Variants in THEMIS observed in about 807,000 individuals in gnomAD.
THEMIS encodes protein THEMIS.
A neutral mutation model predicts 52.6 loss-of-function variants in THEMIS; 37 were observed. That is an observed-to-expected ratio of 0.70 (90% CI 0.54 to 0.93). The LOEUF is 0.93. Ranked by LOEUF, THEMIS falls within the 40% of genes least tolerant of loss-of-function variation. THEMIS has a pLI of 0.00. For missense variants in THEMIS, 808 were observed against 763.1 expected (o/e 1.06, Z -0.69); for synonymous variants, 292 against 272.7 (o/e 1.07, Z -0.70).
At chr6:127,840,014 C>T (rs1475518667) in intron 2 of THEMIS, among the ~76,000 whole-genome samples, 2 of 151,954 alleles carry the variant, frequency 1.3e-5, no homozygotes, top group Non-Finnish European at 2.9e-5. Flanking sequence ...TGTTATAATG[C>T]TATTAACTCA....
intron 1 of THEMIS, among the ~76,000 whole-genome samples, chr6:127,864,375 G>A (rs960327268): frequency 6.6e-6 from 1 of 152,082 alleles, no homozygotes; most frequent in African/African-American, 2.4e-5. Flanking sequence ...TACAAGAGCT[G>A]TTTCTTATTG....
At chr6:127,803,595 T>A (rs1416362520) in intron 4 of THEMIS, among the ~76,000 whole-genome samples, 3 of 152,184 alleles carry the variant, frequency 2.0e-5, no homozygotes, top group African/African-American at 7.2e-5. Flanking sequence ...TAAGTTCTAC[T>A]CCTATTCTTA....
intron 4 of THEMIS, among the ~76,000 whole-genome samples, chr6:127,786,112 T>C (rs945931807): frequency 1.3e-5 from 2 of 152,138 alleles, no homozygotes; most frequent in Non-Finnish European, 2.9e-5. Flanking sequence ...ATTTGCACCC[T>C]GGGACAATCC....
chr6:127,752,707 C>A (rs1775688947), intron 4 of THEMIS, among the ~76,000 whole-genome samples: 1 of 151,614 alleles, frequency 6.6e-6, no homozygotes, highest in African/African-American at 2.4e-5. Flanking sequence ...AAAGAAATGT[C>A]TAGGACCTGA....
chr6:127,768,446 G>T (rs1022533204), intron 4 of THEMIS, among the ~76,000 whole-genome samples: 10 of 152,118 alleles, frequency 6.6e-5, no homozygotes, highest in Non-Finnish European at 1.3e-4. Flanking sequence ...AGTCTGAAGG[G>T]AGAGTTGGCT....
chr6:127,872,689 G>A (rs1780194402), intron 1 of THEMIS, among the ~76,000 whole-genome samples: 1 of 152,074 alleles, frequency 6.6e-6, no homozygotes, highest in Admixed American at 6.6e-5. Context: ...ATTATACTTG[G>A]TGGTCAAAAC....
intron 4 of THEMIS, among the ~76,000 whole-genome samples, chr6:127,810,102 T>C (rs764295211): frequency 2.6e-5 from 4 of 152,082 alleles, no homozygotes; most frequent in Non-Finnish European, 5.9e-5. Context: ...AGTTTAGTAG[T>C]CTAGGCGTAA....
At chr6:127,886,656 C>A (rs1174517675) in intron 1 of THEMIS, among the ~76,000 whole-genome samples, 1 of 152,082 alleles carries the variant, frequency 6.6e-6, no homozygotes, top group Non-Finnish European at 1.5e-5. Context: ...CACAAAAAAA[C>A]CTCGGACATG....
chr6:127,801,219 T>C (rs1777521655), intron 4 of THEMIS, among the ~76,000 whole-genome samples: 1 of 152,162 alleles, frequency 6.6e-6, no homozygotes, highest in South Asian at 2.1e-4. Context: ...CCTTTGACCA[T>C]ACGTAGAGAA....
intron 4 of THEMIS, among the ~76,000 whole-genome samples, chr6:127,758,572 A>G (rs1775913294): frequency 6.6e-6 from 1 of 151,484 alleles, no homozygotes; most frequent in Admixed American, 6.6e-5. Flanking sequence ...CAAATTCCCT[A>G]TAGCAGAAAG....
At chr6:127,711,179 T>C (rs1218613885) in intron 5 of THEMIS, among the ~76,000 whole-genome samples, 3 of 151,254 alleles carry the variant, frequency 2.0e-5, no homozygotes, top group Admixed American at 1.3e-4. Flanking sequence ...ATGCCTCATT[T>C]TCTCATTTTT....
chr6:127,894,237 T>A (rs1016551649), intron 1 of THEMIS, among the ~76,000 whole-genome samples: 1 of 151,892 alleles, frequency 6.6e-6, no homozygotes, highest in Non-Finnish European at 1.5e-5. Flanking sequence ...AAAGCATACT[T>A]TTTTTTAGCA....
At chr6:127,882,197 A>C (rs1780506780) in intron 1 of THEMIS, among the ~76,000 whole-genome samples, 2 of 151,840 alleles carry the variant, frequency 1.3e-5, no homozygotes, top group Admixed American at 6.6e-5. Context: ...TACCCAATAC[A>C]GCCATTCTGT....
downstream of THEMIS, among the ~76,000 whole-genome samples, chr6:127,707,543 G>A (rs1213254014): frequency 6.6e-6 from 1 of 152,076 alleles, no homozygotes; most frequent in East Asian, 1.9e-4. Flanking sequence ...CTGAAGTTTG[G>A]ACCACAGCAG....
At chr6:127,799,061 T>C (rs1777434258) in intron 4 of THEMIS, among the ~76,000 whole-genome samples, 1 of 151,176 alleles carries the variant, frequency 6.6e-6, no homozygotes. Context: ...ATTTGCAGGC[T>C]GCAAAAATTT....
chr6:127,716,391 G>A (rs933824614), intron 5 of THEMIS, among the ~76,000 whole-genome samples: 2 of 151,756 alleles, frequency 1.3e-5, no homozygotes, highest in Admixed American at 6.6e-5. Flanking sequence ...GTACCAAATG[G>A]CTGCGCCCTT....
chr6:127,777,210 T>C, intron 4 of THEMIS, among the ~76,000 whole-genome samples: 1 of 152,004 alleles, frequency 6.6e-6, no homozygotes, highest in Non-Finnish European at 1.5e-5. Flanking sequence ...TCTGTTTGTT[T>C]CATTTTTACT....
At chr6:127,740,444 T>C (rs984673245) in intron 4 of THEMIS, among the ~76,000 whole-genome samples, 6 of 152,086 alleles carry the variant, frequency 3.9e-5, no homozygotes, top group African/African-American at 1.5e-4. Context: ...ATTCAAACTG[T>C]GATTATTTTT....
intron 4 of THEMIS, among the ~76,000 whole-genome samples, chr6:127,739,564 C>A (rs2114267445): frequency 6.6e-6 from 1 of 152,204 alleles, no homozygotes; most frequent in African/African-American, 2.4e-5. Flanking sequence ...TGGTGTGAAC[C>A]CGGGAGGCGA....
Sources: gnomAD v4.1 joint callset for allele counts (sites outside exome capture counted in the v4.1 genomes callset) on GRCh38, gnomAD v4.1.1 for gene constraint, MANE v1.5 for transcripts, NCBI Gene and HGNC (gene_info 2026-07-23, HGNC 2026-07-21) for gene names.